CAST: variants seen among roughly 807,000 people sequenced by gnomAD.
CAST encodes calpastatin.
CAST carries 76 observed loss-of-function variants against 119.6 expected under a neutral mutation model. That is an observed-to-expected ratio of 0.64 (90% CI 0.53 to 0.77). CAST has a LOEUF of 0.77. Ranked by LOEUF, CAST falls within the 30% of genes least tolerant of loss-of-function variation. The pLI is 0.00. For synonymous variants in CAST, 319 were observed against 331.6 expected (o/e 0.96, Z 0.41); for missense variants, 953 against 946.5 (o/e 1.01, Z -0.09).
chr5:96,273,849 TC>T, the CAST span, among the ~76,000 whole-genome samples: 1 of 144,910 alleles, frequency 6.9e-6, no homozygotes, highest in South Asian at 2.1e-4. Flanking sequence ...AGTAAATAGA[TC>T]AGTGAAGTAC....
At chr5:96,008,702 A>G in the CAST span, among the ~76,000 whole-genome samples, 2 of 152,242 alleles carry the variant, frequency 1.3e-5, no homozygotes, top group Non-Finnish European at 1.5e-5. Context: ...ATTCAGGCCA[A>G]TGAGAGATTG....
intron 1 of CAST, among the ~76,000 whole-genome samples, chr5:96,536,479 T>C (rs1208534866): frequency 6.6e-6 from 1 of 152,194 alleles, no homozygotes; most frequent in Non-Finnish European, 1.5e-5. Flanking sequence ...AATGATGTCT[T>C]TGACAAGAAA....
intron 1 of CAST, among the ~76,000 whole-genome samples, chr5:96,561,796 G>GTTTTGTTTTT (rs1746370632): frequency 9.2e-5 from 9 of 97,402 alleles, no homozygotes; most frequent in South Asian, 8.6e-4. Context: ...GTTTTTTTTT[G>GTTTTGTTTTT]TTTTTTTTTT....
At chr5:96,454,307 C>T in the CAST span, among the ~76,000 whole-genome samples, 1 of 152,140 alleles carries the variant, frequency 6.6e-6, no homozygotes, top group Non-Finnish European at 1.5e-5. Flanking sequence ...AATAACCAGT[C>T]CAAGGTCTGA....
At chr5:96,497,460 A>G in the CAST span, among the ~76,000 whole-genome samples, 2 of 152,072 alleles carry the variant, frequency 1.3e-5, no homozygotes, top group African/African-American at 4.8e-5. Context: ...TGGTTGAACT[A>G]GTTTACAGTC....
At chr5:95,992,026 A>C in the CAST span, among the ~76,000 whole-genome samples, 1 of 152,334 alleles carries the variant, frequency 6.6e-6, no homozygotes, top group South Asian at 2.1e-4. Context: ...TAACAGATGA[A>C]TTAGATCTCA....
the CAST span, among the ~76,000 whole-genome samples, chr5:96,177,912 A>G: frequency 1.3e-5 from 2 of 152,238 alleles, no homozygotes; most frequent in African/African-American, 4.8e-5. Context: ...GTAATTTTGA[A>G]CAAATAAGAA....
At chr5:96,608,685 C>T (rs1394392032) in intron 1 of CAST, among the ~76,000 whole-genome samples, 1 of 152,072 alleles carries the variant, frequency 6.6e-6, no homozygotes, top group Non-Finnish European at 1.5e-5. Context: ...CTATCTGAGA[C>T]TGGGTAATTA....
chr5:96,383,926 C>G, the CAST span, among the ~76,000 whole-genome samples: 1 of 152,126 alleles, frequency 6.6e-6, no homozygotes, highest in Admixed American at 6.5e-5. Flanking sequence ...GAGAGATACT[C>G]AAGATGTTGA....
At chr5:96,434,413 C>A in the CAST span, among the ~76,000 whole-genome samples, 1 of 152,184 alleles carries the variant, frequency 6.6e-6, no homozygotes, top group African/African-American at 2.4e-5. Context: ...TGGCCAGCAC[C>A]AAGCTGTTTT....
the CAST span, among the ~76,000 whole-genome samples, chr5:96,412,752 GTTTTTTT>G: frequency 2.4e-4 from 17 of 71,808 alleles, no homozygotes; most frequent in African/African-American, 1.4e-3. Flanking sequence ...CAGCTGTGAT[GTTTTTTT>G]TTTTTTTTTT....
chr5:96,664,370 C>CAT (rs1416932193), intron 1 of CAST, among the ~76,000 whole-genome samples: 2 of 148,952 alleles, frequency 1.3e-5, no homozygotes, highest in African/African-American at 2.5e-5. Flanking sequence ...TGTGTGTGTG[C>CAT]ATATATATGT....
intron 1 of CAST, among the ~76,000 whole-genome samples, chr5:96,646,264 A>C (rs1417140942): frequency 6.6e-6 from 1 of 152,240 alleles, no homozygotes; most frequent in Non-Finnish European, 1.5e-5. Context: ...TTCCACTTTT[A>C]TAAATTTCTC....
At chr5:96,217,026 A>C in the CAST span, among the ~76,000 whole-genome samples, 1 of 151,878 alleles carries the variant, frequency 6.6e-6, no homozygotes, top group Non-Finnish European at 1.5e-5. Flanking sequence ...AGAAGTAATA[A>C]AATTATTATT....
chr5:96,731,255 T>G (rs1392495565), intron 9 of CAST, among the ~76,000 whole-genome samples: 1 of 152,202 alleles, frequency 6.6e-6, no homozygotes, highest in Non-Finnish European at 1.5e-5. Flanking sequence ...ATCACAACTA[T>G]GACATCAACA....
the CAST span, among the ~76,000 whole-genome samples, chr5:96,140,944 G>C: frequency 6.6e-6 from 1 of 152,024 alleles, no homozygotes; most frequent in Admixed American, 6.5e-5. Flanking sequence ...GTGTCTTTTT[G>C]ATGTTAGAAA....
chr5:96,140,542 G>C, the CAST span, among the ~76,000 whole-genome samples: 1 of 152,312 alleles, frequency 6.6e-6, no homozygotes, highest in Admixed American at 6.5e-5. Context: ...TTTAGAGTTA[G>C]ATAAATGCTC....
the CAST span, among the ~76,000 whole-genome samples, chr5:96,325,726 T>C: frequency 6.6e-6 from 1 of 152,154 alleles, no homozygotes. Context: ...ATAATCTGCC[T>C]GTCTTGGCTT....
chr5:96,068,394 C>G, the CAST span, among the ~76,000 whole-genome samples: 2 of 152,046 alleles, frequency 1.3e-5, no homozygotes, highest in African/African-American at 4.8e-5. Flanking sequence ...ATGCTCCACC[C>G]CGCTAGAACT....
Sources: allele counts gnomAD v4.1 joint callset (sites outside exome capture counted in the v4.1 genomes callset), GRCh38; gene constraint gnomAD v4.1.1; transcripts MANE v1.5; gene names NCBI Gene and HGNC (gene_info 2026-07-23, HGNC 2026-07-21).